The following SLC24A3 variants were observed in gnomAD, a reference collection of about 807,000 sequenced individuals.
The protein encoded by SLC24A3 is solute carrier family 24 member 3.
A neutral mutation model predicts 75.8 loss-of-function variants in SLC24A3; 28 were observed. That is an observed-to-expected ratio of 0.37 (90% confidence interval 0.27 to 0.51). The LOEUF (loss-of-function observed/expected upper bound fraction) is 0.51, where lower values mean the gene tolerates loss of function less well. SLC24A3 is among the 20% of genes least tolerant of loss of function. The pLI is 0.94. For synonymous variants in SLC24A3, 372 were observed against 334.1 expected (o/e 1.11, Z -1.24); for missense variants, 663 against 847.8 (o/e 0.78, Z 2.71).
At chr20:19,447,096 T>C (rs1388462263) in intron 2 of SLC24A3, among the ~76,000 whole-genome samples, 1 of 152,168 alleles carries the variant, frequency 6.6e-6, no homozygotes, top group Non-Finnish European at 1.5e-5. Flanking sequence ...TAGATTTGAG[T>C]ATCATCTGCC....
At chr20:19,590,719 C>G (rs938345022) in intron 6 of SLC24A3, among the ~76,000 whole-genome samples, 7 of 152,212 alleles carry the variant, frequency 4.6e-5, no homozygotes, top group African/African-American at 1.7e-4. Flanking sequence ...AATTCCATCA[C>G]ACCCAGTAAA....
chr20:19,511,739 A>G (rs1016999834), intron 2 of SLC24A3, among the ~76,000 whole-genome samples: 3 of 152,194 alleles, frequency 2.0e-5, no homozygotes, highest in African/African-American at 7.2e-5. Context: ...CAAGCTGTGC[A>G]TGAGTCCTTT....
intron 2 of SLC24A3, among the ~76,000 whole-genome samples, chr20:19,286,538 GA>G (rs1271661973): frequency 1.3e-5 from 2 of 152,058 alleles, no homozygotes; most frequent in African/African-American, 2.4e-5. Context: ...TCTTTTACAT[GA>G]AAAAAACAAG....
chr20:19,703,222 A>C (rs1004385452), intron 15 of SLC24A3, among the ~76,000 whole-genome samples: 7 of 152,160 alleles, frequency 4.6e-5, no homozygotes, highest in African/African-American at 1.7e-4. Flanking sequence ...TGCTCCCCAC[A>C]TCCTAAATCT....
At chr20:19,628,202 C>CAAAAAAAAAA (rs776701707) in intron 6 of SLC24A3, among the ~76,000 whole-genome samples, 2 of 51,830 alleles carry the variant, frequency 3.9e-5, no homozygotes, top group African/African-American at 5.5e-5. Flanking sequence ...GACTCCATCT[C>CAAAAAAAAAA]AAAAAAAAAA....
At chr20:19,542,633 C>T (rs1159893238) in intron 3 of SLC24A3, among the ~76,000 whole-genome samples, 1 of 152,286 alleles carries the variant, frequency 6.6e-6, no homozygotes, top group African/African-American at 2.4e-5. Context: ...CCAGCTGACA[C>T]GTCTTTGCTA....
chr20:19,217,941 T>C (rs964165963), intron 1 of SLC24A3, among the ~76,000 whole-genome samples: 1 of 152,092 alleles, frequency 6.6e-6, no homozygotes, highest in Non-Finnish European at 1.5e-5. Flanking sequence ...TTTATCACAG[T>C]TGGTAATTAT....
intron 13 of SLC24A3, chr20:19,694,719 C>CTTT (rs2032785720): frequency 6.6e-6 from 1 of 152,224 alleles, no homozygotes; most frequent in African/African-American, 2.4e-5. Context: ...CTTCTGTTTG[C>CTTT]TTCCTTTTCC....
rs369855260 is a variant in SLC24A3 at position 19,585,481 on chromosome 20, C to T, written c.549C>T (p.Ile183=). 2.0e-5 allele frequency: 32 copies of T among 1,614,038 alleles called. No homozygotes were observed. Among genetic ancestry groups the T allele is most frequent in the African/African-American group, 1.7e-4 (13 of 74,918 alleles). The change falls in exon 6 of 17, where the codon ATC becomes ATT. Residue 183 remains isoleucine, a synonymous_variant. Transcript: ENST00000328041. ...ITKGDVGVGT[I]VGSAVFNILC... is the part of the protein sequence containing the mutation. Reference sequence around the variant, plus strand: ...AAGGCGATGTGGGAGTTGGCACCATCGTGGGCTCAGCGGTATTCAACATCC... The same window carrying T: ...AAGGCGATGTGGGAGTTGGCACCATTGTGGGCTCAGCGGTATTCAACATCC...
rs1325330796 is a variant in SLC24A3 at position 19,698,792 on chromosome 20, A to C, written c.1719+112A>C. On this transcript the variant is annotated intron_variant, in intron 15 of 16. Coordinates refer to ENST00000328041, the MANE Select transcript of SLC24A3 (RefSeq NM_020689.4). Reference sequence around the variant, plus strand: ...GGGAAAAAGGGGTGTAGAAATCGTAATATTGAGGGGGAAACAAATTCTCCT... The same window carrying C: ...GGGAAAAAGGGGTGTAGAAATCGTACTATTGAGGGGGAAACAAATTCTCCT... 16 of 788,328 alleles carry C rather than the reference A, an allele frequency of 2.0e-5. No individual in the cohort carries two copies. The South Asian group carries it at 2.7e-4, about 13-fold the overall frequency. The allele number at this position is 788,328 out of a possible 1,614,324, so 48.8% of individuals were successfully genotyped here. A position where few individuals can be genotyped will look rare whatever the true frequency, so the allele number is the denominator to read the frequency against.
At chr20:19,515,459 T>C (rs778819798) in intron 2 of SLC24A3, 29 bp from the exon 3 acceptor site, 1 of 1,611,992 alleles carries the variant, frequency 6.2e-7, no homozygotes, top group Non-Finnish European at 8.5e-7. Context: ...TCACCTGTGC[T>C]GAGACGGTTT....
intron 2 of SLC24A3, among the ~76,000 whole-genome samples, chr20:19,434,553 T>C (rs1987162646): frequency 6.6e-6 from 1 of 152,206 alleles, no homozygotes; most frequent in Non-Finnish European, 1.5e-5. Flanking sequence ...TTTTTTTTCT[T>C]TTGGAGAATT....
At position 19,515,527 on chromosome 20, in the gene SLC24A3, A is replaced by T. The variant is rs774404839; in HGVS notation, c.311A>T (p.Asp104Val). The change falls in exon 3 of 17, where the codon GAT becomes GTT. Residue 104 changes from aspartate to valine, a missense_variant. Asp to Val is a radical substitution (Grantham distance 152). This residue lies in a region of SLC24A3 where 153 missense variants were observed against 144.2 expected (regional missense o/e 1.06). Coordinates refer to ENST00000328041, the MANE Select transcript of SLC24A3 (RefSeq NM_020689.4). ...EFPNDIFTNE[D>V]RRQGAVVLHV... ...CCCAATGACATCTTCACAAACGAGG[A>T]TAGAAGACAAGGTGCGGTGGTCCTC... The T allele has an allele frequency of 6.2e-7, 1 of 1,614,174 alleles. No homozygotes were observed. Among genetic ancestry groups the T allele is most frequent in the Non-Finnish European group, 8.5e-7 (1 of 1,180,020 alleles).
At chr20:19,712,151 A>C (rs552770765) in intron 15 of SLC24A3, among the ~76,000 whole-genome samples, 2 of 151,852 alleles carry the variant, frequency 1.3e-5, no homozygotes, top group East Asian at 3.9e-4. Context: ...AGGTCTCACT[A>C]TGTTGCCCAG....
intron 4 of SLC24A3, 72 bp from the exon 5 acceptor site, chr20:19,584,899 C>G: frequency 7.1e-7 from 1 of 1,409,380 alleles, no homozygotes; most frequent in Non-Finnish European, 9.9e-7. Context: ...CTTGGACTCT[C>G]GGGTGTCACA....
At chr20:19,339,110 T>TGGCTCCCAACA (rs1568593804) in intron 2 of SLC24A3, among the ~76,000 whole-genome samples, 1 of 152,110 alleles carries the variant, frequency 6.6e-6, no homozygotes, top group East Asian at 1.9e-4. Flanking sequence ...CTTGGACACA[T>TGGCTCCCAACA]AGCCTGACTC....
chr20:19,365,009 G>T (rs1315903535), intron 2 of SLC24A3, among the ~76,000 whole-genome samples: 1 of 152,120 alleles, frequency 6.6e-6, no homozygotes, highest in East Asian at 1.9e-4. Flanking sequence ...ACAGAGAGGG[G>T]ATCCAAGAAC....
At chr20:19,543,795 G>T (rs926363744) in intron 3 of SLC24A3, among the ~76,000 whole-genome samples, 1 of 152,178 alleles carries the variant, frequency 6.6e-6, no homozygotes, top group Non-Finnish European at 1.5e-5. Context: ...TTTGCAAAAA[G>T]GATAGCAAAA....
At chr20:19,543,310 A>G (rs1436381890) in intron 3 of SLC24A3, among the ~76,000 whole-genome samples, 1 of 152,234 alleles carries the variant, frequency 6.6e-6, no homozygotes, top group Non-Finnish European at 1.5e-5. Flanking sequence ...CAAGGAAAGA[A>G]AAAACCGGAT....
Sources: allele counts gnomAD v4.1 joint callset (sites outside exome capture counted in the v4.1 genomes callset), GRCh38; gene constraint gnomAD v4.1.1; regional missense constraint gnomAD v4.1.1; transcripts MANE v1.5; gene names NCBI Gene and HGNC (gene_info 2026-07-23, HGNC 2026-07-21).